Variants in DNAI7 observed in about 807,000 individuals in gnomAD.
The protein encoded by DNAI7 is cancer susceptibility 1.
DNAI7 carries 78 observed loss-of-function variants against 86.6 expected under a neutral mutation model. That is an observed-to-expected ratio of 0.90 (90% CI 0.75 to 1.09). The LOEUF is 1.09. Ranked by LOEUF, DNAI7 falls within the 50% of genes least tolerant of loss-of-function variation. The pLI, the probability that DNAI7 is intolerant of heterozygous loss-of-function variation, is 0.00. For missense variants in DNAI7, 753 were observed against 810.2 expected (o/e 0.93, Z 0.86); for synonymous variants, 274 against 273.0 (o/e 1.00, Z -0.04).
chr12:25,144,568 A>T lies in DNAI7; in HGVS notation c.799T>A (p.Ser267Thr), dbSNP rs377528935. Reference protein sequence around the residue: ...RLLHTHYDHVSALHPVSTPSK... With the variant: ...RLLHTHYDHVTALHPVSTPSK... ...GGTGTTGAAACAGGGTGCAGTGCAGAAACATGATCATAGTGGGTATGCAGG... is the reference window on the plus strand; with the variant it reads ...GGTGTTGAAACAGGGTGCAGTGCAGTAACATGATCATAGTGGGTATGCAGG... The change falls in exon 9 of 16, where the codon TCT becomes ACT. Residue 267 changes from serine (S) to threonine (T), a missense_variant. Ser to Thr is a moderately conservative substitution (Grantham distance 58). Transcript: ENST00000395987. 9 of 1,614,034 alleles carry T rather than the reference A, an allele frequency of 5.6e-6. No individual in the cohort carries two copies. The highest frequency in any genetic ancestry group is 3.3e-4 in the Middle Eastern group (2 of 6,084).
chr12:25,145,057 G>A (rs991684676), intron 8 of DNAI7, among the ~76,000 whole-genome samples: 3 of 152,154 alleles, frequency 2.0e-5, no homozygotes, highest in African/African-American at 7.2e-5. Flanking sequence ...TATACTATCA[G>A]AGGTTTGTAA....
chr12:25,160,975 AAAAG>A, intron 3 of DNAI7, 134 bp downstream of exon 3: 1 of 590,518 alleles, frequency 1.7e-6, no homozygotes, highest in South Asian at 2.2e-5. Flanking sequence ...GATACTTTCT[AAAAG>A]ATAGATACCT....
At chr12:25,147,632 G>T (rs2140896188) in intron 7 of DNAI7, among the ~76,000 whole-genome samples, 1 of 152,210 alleles carries the variant, frequency 6.6e-6, no homozygotes, top group Middle Eastern at 3.4e-3. Context: ...CTCTAGCCGG[G>T]GTGACAGAGC....
At chr12:25,131,631 G>A (rs541738326) in intron 9 of DNAI7, among the ~76,000 whole-genome samples, 1 of 152,260 alleles carries the variant, frequency 6.6e-6, no homozygotes, top group South Asian at 2.1e-4. Context: ...GGTAGCAGAA[G>A]TGATCTCCAG....
intron 2 of DNAI7, among the ~76,000 whole-genome samples, chr12:25,166,123 C>A (rs971260131): frequency 2.0e-5 from 3 of 152,190 alleles, no homozygotes; most frequent in Non-Finnish European, 4.4e-5. Context: ...TCTTACCCCG[C>A]TCAATGCCAA....
intron 9 of DNAI7, among the ~76,000 whole-genome samples, chr12:25,135,782 T>A (rs565144887): frequency 6.7e-6 from 1 of 148,792 alleles, no homozygotes; most frequent in South Asian, 2.1e-4. Flanking sequence ...GCAGCCATAA[T>A]CCCCCTGGGA....
At chr12:25,163,452 C>T (rs1027728682) in intron 2 of DNAI7, among the ~76,000 whole-genome samples, 1 of 152,154 alleles carries the variant, frequency 6.6e-6, no homozygotes, top group Non-Finnish European at 1.5e-5. Flanking sequence ...AGAGAACAAC[C>T]CCTCTTTGAC....
At chr12:25,150,060 A>G (rs73286828) in intron 6 of DNAI7, among the ~76,000 whole-genome samples, 3,440 of 152,334 alleles carry the variant, frequency 0.023, 110 homozygotes, top group African/African-American at 0.079. Flanking sequence ...AGTTCTTTAC[A>G]GAAGAGTGCC....
intron 2 of DNAI7, among the ~76,000 whole-genome samples, chr12:25,183,087 C>T (rs1949709265): frequency 6.6e-6 from 1 of 152,038 alleles, no homozygotes; most frequent in African/African-American, 2.4e-5. Context: ...ATGTCCTTTG[C>T]AGCAACATGG....
chr12:25,108,557 G>A lies in DNAI7; in HGVS notation c.2160C>T (p.Ser720=). The A allele has an allele frequency of 6.2e-7, 1 of 1,612,460 alleles. No homozygotes were observed. The highest frequency in any genetic ancestry group is 1.7e-4 in the Middle Eastern group (1 of 6,058). Residue 720 remains serine (S), a synonymous_variant, in exon 16 of 16, where the codon AGC becomes AGT. Coordinates refer to ENST00000395987, the MANE Select transcript of DNAI7 (RefSeq NM_018272.5). ...AGTTTGTAAGTGGAGGTTAGGAGTA[G>A]CTGAGCAATCTGGTAGAGAGCAGCA... ...CHMLLSTRLL[S]YS
Position 25,149,681 on chromosome 12 carries a change from G to C in DNAI7, c.532C>G (p.Leu178Val), listed in dbSNP as rs773100616. The change falls in exon 7 of 16, where the codon CTG becomes GTG. Residue 178 changes from leucine to valine, a missense_variant. Coordinates refer to ENST00000395987, the MANE Select transcript of DNAI7 (RefSeq NM_018272.5). ...IIQYQESILQ[L>V]QELLHLKFGV... is the part of the protein sequence containing the mutation. ...AATTTAAGATGAAGGAGCTCCTGCA[G>C]TTGTAGTATTGATTCTTGGTACTGT... The C allele has an allele frequency of 6.2e-7, 1 of 1,602,690 alleles. No individual in the cohort carries two copies. Among genetic ancestry groups the C allele is most frequent in the African/African-American group, 1.3e-5 (1 of 74,632 alleles).
chr12:25,167,938 G>C (rs562707372), intron 2 of DNAI7, among the ~76,000 whole-genome samples: 11 of 151,932 alleles, frequency 7.2e-5, no homozygotes, highest in Non-Finnish European at 1.3e-4. Flanking sequence ...TCACCTTCTC[G>C]ATGTTCCTTT....
chr12:25,121,933 C>T lies in DNAI7; in HGVS notation c.1079-20G>A, dbSNP rs1452981235. The T allele has an allele frequency of 6.6e-7, 1 of 1,523,060 alleles. No individual in the cohort carries two copies. The highest frequency in any genetic ancestry group is 8.8e-7 in the Non-Finnish European group (1 of 1,133,566). The allele number at this position is 1,523,060 out of a possible 1,614,324, so 94.3% of individuals were successfully genotyped here. ...ACTGTGCTAAAATTAATCAGATTAA[C>T]AGTTTTCAAATAGATTACAGTTTAG... On this transcript the variant is annotated intron_variant, in intron 10 of 15. Coordinates refer to ENST00000395987, the MANE Select transcript of DNAI7 (RefSeq NM_018272.5).
chr12:25,188,271 G>A lies in DNAI7; in HGVS notation c.21+2343C>T, dbSNP rs1950216009. On this transcript the variant is annotated intron_variant, in intron 2 of 15. Transcript: ENST00000395987. ...AAGGTGCAGAATGCTCCCATAGGCA[G>A]GGAGAAAAGGGGTCTCTGTGTGTGT... Among the ~76,000 whole-genome samples the A allele has an allele frequency of 2.6e-5, 4 of 152,130 alleles. No homozygotes were observed. The South Asian group carries it at 8.3e-4, about 32-fold the overall frequency.
intron 2 of DNAI7, among the ~76,000 whole-genome samples, chr12:25,182,702 C>A (rs1019583545): frequency 7.9e-5 from 12 of 151,350 alleles, no homozygotes; most frequent in African/African-American, 2.9e-4. Context: ...GTAAGAGGAT[C>A]ACCTGAGCCC....
chr12:25,123,345 G>C, intron 9 of DNAI7, 59 bp from the exon 10 acceptor site: 1 of 1,163,356 alleles, frequency 8.6e-7, no homozygotes, highest in Non-Finnish European at 1.2e-6. Context: ...TACAGTCATT[G>C]TCTTTGTGTT....
In DNAI7 at chr12:25,156,205, T is replaced by G. The variant is rs190729825; in HGVS notation, c.199-793A>C. ...CATGTCTTTTTAATAGCCTGTTGGA[T>G]AAAATGGGAAGTCAGCATAAAGCTC... On this transcript the variant is annotated intron_variant, in intron 4 of 15. Transcript: ENST00000395987. Among the ~76,000 whole-genome samples, 3 of 152,226 alleles carry G rather than the reference T, an allele frequency of 2.0e-5. No homozygotes were observed. In the East Asian group the frequency reaches 5.8e-4, roughly 29 times the overall value.
At chr12:25,187,437 C>T (rs1950132416) in intron 2 of DNAI7, among the ~76,000 whole-genome samples, 1 of 152,134 alleles carries the variant, frequency 6.6e-6, no homozygotes, top group African/African-American at 2.4e-5. Context: ...TTAAAAGCTA[C>T]CTGAAATTAT....
intron 15 of DNAI7, among the ~76,000 whole-genome samples, chr12:25,109,908 C>T (rs897863094): frequency 6.6e-6 from 1 of 151,042 alleles, no homozygotes; most frequent in Non-Finnish European, 1.5e-5. Flanking sequence ...GAACTCCTGA[C>T]CTCAGGTGAT....
Sources: gnomAD v4.1 joint callset for allele counts (sites outside exome capture counted in the v4.1 genomes callset) on GRCh38, gnomAD v4.1.1 for gene constraint, MANE v1.5 for transcripts, NCBI Gene and HGNC (gene_info 2026-07-23, HGNC 2026-07-21) for gene names.